NFX1: variants seen among roughly 807,000 people sequenced by gnomAD.
The protein encoded by NFX1 is nuclear transcription factor, X-box binding 1.
A neutral mutation model predicts 137.2 loss-of-function variants in NFX1; 69 were observed. The ratio of observed to expected loss-of-function variants is 0.50; its 90% CI spans 0.41 to 0.61. The LOEUF is 0.61. Among genes scored for constraint, NFX1 ranks in the 20% least tolerant of loss-of-function variants. The pLI is 0.00. For missense variants in NFX1, 1,167 were observed against 1,391.0 expected, an observed-to-expected ratio of 0.84 and a Z score of 2.56; for synonymous variants, 495 against 474.1, an observed-to-expected ratio of 1.04 and a Z score of -0.57.
In NFX1 at chr9:33,364,781, G is replaced by T. The variant is rs909469641; in HGVS notation, c.3039+7G>T. 5 of 1,613,308 alleles carry T rather than the reference G, an allele frequency of 3.1e-6. No homozygotes were observed. In the African/African-American group the frequency reaches 5.3e-5, roughly 17 times the overall value. On this transcript the variant is annotated splice_region_variant and intron_variant, in intron 21 of 23. Transcript: ENST00000379540. Reference sequence around the variant, plus strand: ...CGTGGAGGCCGTGAATAAGGTTGAAGTCGAAACATCCCACTGGACATTTCT... The same window carrying T: ...CGTGGAGGCCGTGAATAAGGTTGAATTCGAAACATCCCACTGGACATTTCT...
At chr9:33,354,017 T>C (rs1259226113) in intron 17 of NFX1, 69 bp from the exon 18 acceptor site, 1 of 1,411,832 alleles carries the variant, frequency 7.1e-7, no homozygotes, top group Non-Finnish European at 9.6e-7. Context: ...AGGTCTTCTG[T>C]ATCCCAAGTA....
chr9:33,353,396 T>C (rs752706744), intron 17 of NFX1, among the ~76,000 whole-genome samples: 24 of 152,144 alleles, frequency 1.6e-4, no homozygotes, highest in Non-Finnish European at 3.1e-4. Context: ...ATCTGAGTGC[T>C]GAGATGGAGG....
At chr9:33,344,019 A>C (rs769287620) in intron 13 of NFX1, 50 bp from the exon 14 acceptor site, 1 of 1,611,692 alleles carries the variant, frequency 6.2e-7, no homozygotes, top group Non-Finnish European at 8.5e-7. Context: ...ATGTACTTGC[A>C]CATCCCAAAC....
chr9:33,354,017 T>G, intron 17 of NFX1, 69 bp from the exon 18 acceptor site: 1 of 1,411,950 alleles, frequency 7.1e-7, no homozygotes, highest in Non-Finnish European at 9.6e-7. Context: ...AGGTCTTCTG[T>G]ATCCCAAGTA....
chr9:33,362,692 G>GT (rs750544815), intron 19 of NFX1, among the ~76,000 whole-genome samples: 2,308 of 96,338 alleles, frequency 0.024, 250 homozygotes, highest in East Asian at 0.043. Flanking sequence ...AGTTCCTGTG[G>GT]TTTTTTTTTT....
chr9:33,348,840 T>G (rs1282345689), intron 15 of NFX1: 4 of 928,626 alleles, frequency 4.3e-6, no homozygotes, highest in Non-Finnish European at 5.1e-6. Flanking sequence ...TTGCTGTGGT[T>G]AAGATGATAC....
chr9:33,312,686 C>A (rs1822005371), intron 6 of NFX1, among the ~76,000 whole-genome samples: 1 of 152,188 alleles, frequency 6.6e-6, no homozygotes, highest in Non-Finnish European at 1.5e-5. Flanking sequence ...GGTGGGCCAA[C>A]ATGGTGAAAC....
intron 9 of NFX1, among the ~76,000 whole-genome samples, chr9:33,321,409 A>G (rs950191913): frequency 3.9e-5 from 6 of 152,190 alleles, no homozygotes; most frequent in African/African-American, 1.4e-4. Context: ...TAGCTTATCT[A>G]TAGAAAGCTC....
chr9:33,294,487 T>C lies in NFX1; in HGVS notation c.93T>C (p.Asn31=), dbSNP rs1468784569. The C allele has an allele frequency of 1.9e-6, 3 of 1,611,458 alleles. No individual in the cohort carries two copies. The highest frequency in any genetic ancestry group is 2.5e-6 in the Non-Finnish European group (3 of 1,179,242). ...AGGAGAAAAAAAATTCTGGTCTAAA[T>C]TGTGGGACTCAAAGGAGACTAGACT... ...IPQEKKNSGL[N]CGTQRRLDSN... The change falls in exon 2 of 24, where the codon AAT becomes AAC. Residue 31 remains asparagine (N), a synonymous_variant. Transcript: ENST00000379540.
At chr9:33,299,561 G>A (rs1391921620) in intron 2 of NFX1, among the ~76,000 whole-genome samples, 3 of 152,180 alleles carry the variant, frequency 2.0e-5, no homozygotes, top group Non-Finnish European at 4.4e-5. Flanking sequence ...AGTGGCACAC[G>A]CTTGTGGTCC....
chr9:33,362,192 AG>A (rs1307361750), intron 19 of NFX1, among the ~76,000 whole-genome samples: 2 of 152,222 alleles, frequency 1.3e-5, no homozygotes, highest in South Asian at 4.2e-4. Flanking sequence ...AAATTAGTAC[AG>A]CCACTATGGA....
chr9:33,299,917 A>G (rs537079566), intron 2 of NFX1, among the ~76,000 whole-genome samples: 1 of 152,230 alleles, frequency 6.6e-6, no homozygotes, highest in African/African-American at 2.4e-5. Flanking sequence ...AGCCAATATT[A>G]TGGAATATTA....
intron 19 of NFX1, among the ~76,000 whole-genome samples, chr9:33,361,587 A>G (rs1448531255): frequency 1.3e-5 from 2 of 152,084 alleles, no homozygotes; most frequent in Non-Finnish European, 2.9e-5. Flanking sequence ...AGCCTGGCCA[A>G]CATGGTGAAA....
chr9:33,302,857 A>G (rs1042729666), intron 3 of NFX1, among the ~76,000 whole-genome samples: 3 of 150,850 alleles, frequency 2.0e-5, no homozygotes, highest in Non-Finnish European at 4.4e-5. Flanking sequence ...TTTAGTAGAG[A>G]TGATGTTTCA....
chr9:33,309,848 G>T (rs185739755), intron 5 of NFX1, among the ~76,000 whole-genome samples: 2 of 152,296 alleles, frequency 1.3e-5, no homozygotes, highest in Admixed American at 1.3e-4. Context: ...AGCCAGTGTT[G>T]TGGACCTCTG....
At chr9:33,295,486 G>A in intron 2 of NFX1, 59 bp downstream of exon 2, 4 of 1,481,240 alleles carry the variant, frequency 2.7e-6, no homozygotes, top group Non-Finnish European at 3.6e-6. Flanking sequence ...TTTTAAATAA[G>A]TCATATATTC....
Position 33,360,677 on chromosome 9 carries a change from C to G in NFX1, c.2874-3333C>G, listed in dbSNP as rs187819390. 1.4e-3 allele frequency among the ~76,000 whole-genome samples: 218 copies of G among 152,236 alleles called. 1 individual carries two copies. Among genetic ancestry groups the G allele is most frequent in the African/African-American group, 5.1e-3 (211 of 41,530 alleles). ...TATATATATGTATGTGTGTATATCT[C>G]TATTGTAGAAATAAAAACCTAGCAG... On this transcript the variant is annotated intron_variant, in intron 19 of 23. Coordinates refer to ENST00000379540, the MANE Select transcript of NFX1 (RefSeq NM_002504.6).
chr9:33,343,624 C>A (rs549418048), intron 13 of NFX1, among the ~76,000 whole-genome samples: 17 of 152,280 alleles, frequency 1.1e-4, no homozygotes, highest in Admixed American at 4.6e-4. Flanking sequence ...TATTCTCTGT[C>A]ACAAAAATTT....
intron 17 of NFX1, among the ~76,000 whole-genome samples, chr9:33,353,081 T>C (rs914897106): frequency 5.9e-5 from 9 of 152,248 alleles, no homozygotes; most frequent in Non-Finnish European, 8.8e-5. Flanking sequence ...ATCTGGTTTC[T>C]CTAGTTCAAA....
Sources: allele counts gnomAD v4.1 joint callset (sites outside exome capture counted in the v4.1 genomes callset), GRCh38; gene constraint gnomAD v4.1.1; transcripts MANE v1.5; gene names NCBI Gene and HGNC (gene_info 2026-07-23, HGNC 2026-07-21).